HEATR3: variants seen among roughly 807,000 people sequenced by gnomAD.
HEATR3 encodes HEAT repeat containing 3.
A neutral mutation model predicts 72.8 loss-of-function variants in HEATR3; 56 were observed. The observed-to-expected ratio is 0.77, with a 90% confidence interval of 0.62 to 0.96. The LOEUF (loss-of-function observed/expected upper bound fraction) is 0.96. Among genes scored for constraint, HEATR3 ranks in the 40% least tolerant of loss-of-function variants. The probability of loss-of-function intolerance (pLI) is 0.00; values close to 1 mark genes in which losing one functional copy is unlikely to be tolerated. For missense variants in HEATR3, 747 were observed against 831.4 expected (o/e 0.90, Z 1.25); for synonymous variants, 331 against 318.1 (o/e 1.04, Z -0.43).
intron 2 of HEATR3, chr16:50,066,757 T>G: frequency 2.4e-6 from 1 of 418,352 alleles, no homozygotes; most frequent in East Asian, 3.7e-5. Flanking sequence ...AGCGTCCACC[T>G]GCTCAGGCGT....
At chr16:50,104,285 C>T (rs1021029598) in intron 14 of HEATR3, among the ~76,000 whole-genome samples, 6 of 152,064 alleles carry the variant, frequency 3.9e-5, no homozygotes, top group Admixed American at 1.3e-4. Flanking sequence ...TCCGGGAGGT[C>T]GAGGCTGCAG....
chr16:50,075,749 T>C (rs772180015), intron 6 of HEATR3, 38 bp downstream of exon 6: 1 of 1,578,600 alleles, frequency 6.3e-7, no homozygotes, highest in Non-Finnish European at 8.7e-7. Context: ...ATTGTTTCAG[T>C]AGCTTTTGGT....
At chr16:50,078,647 T>C (rs1196890516) in intron 6 of HEATR3, 94 bp from the exon 7 acceptor site, 3 of 1,269,510 alleles carry the variant, frequency 2.4e-6, no homozygotes, top group African/African-American at 1.5e-5. Context: ...TTTTTGAAAT[T>C]ACACTGGCCT....
chr16:50,100,700 G>A (rs149065555), intron 13 of HEATR3: 1 of 300,706 alleles, frequency 3.3e-6, no homozygotes, highest in African/African-American at 2.3e-5. Flanking sequence ...TCCAATGTAT[G>A]CATGTTACAT....
rs1036508040 is a variant in HEATR3 at position 50,066,200 on chromosome 16, G to C, written c.69G>C (p.Glu23Asp). The change falls in exon 1 of 15, where the codon GAG becomes GAC. Residue 23 changes from glutamate to aspartate, a missense_variant. Around this residue, in one of 2 missense-constraint regions of HEATR3, gnomAD observed 161 missense variants for 122.6 expected, o/e 1.31. Transcript: ENST00000299192. The stretch of plus-strand genomic sequence containing the variant: ...CCCCTACGGGCGACTGTCAGGCCGA[G>C]GCGGCTGCGGCGGCGAATGGGACCG... ...QFSPTGDCQA[E>D]AAAAANGTGG... 6.3e-7 allele frequency: 1 copy of C among 1,580,690 alleles called. No homozygotes were observed. Among genetic ancestry groups the C allele is most frequent in the African/African-American group, 1.4e-5 (1 of 73,944 alleles).
chr16:50,100,930 A>G (rs561815365), intron 13 of HEATR3, among the ~76,000 whole-genome samples: 1 of 152,318 alleles, frequency 6.6e-6, no homozygotes, highest in East Asian at 1.9e-4. Flanking sequence ...CAGCGTCACT[A>G]GTAATTAAAA....
rs375532097 is a variant in HEATR3, at chr16:50,092,436, C to CTTTTTTTT, written c.1511-2260_1511-2253dup. Reference sequence around the variant, plus strand: ...GGTCATTCTTTTTTTTTTCTTTTTTCTTTTTTTTTTTTTTTTCCTGAGACG... The same window carrying CTTTTTTTT: ...GGTCATTCTTTTTTTTTTCTTTTTTCTTTTTTTTTTTTTTTTTTTTTTTTCCTGAGACG... On this transcript the variant is annotated intron_variant, in intron 11 of 14. Coordinates refer to ENST00000299192, the MANE Select transcript of HEATR3 (RefSeq NM_182922.4). 3.3e-3 allele frequency among the ~76,000 whole-genome samples: 347 copies of CTTTTTTTT among 106,002 alleles called. 17 individuals are homozygous for CTTTTTTTT. Among genetic ancestry groups the CTTTTTTTT allele is most frequent in the African/African-American group, 9.7e-3 (263 of 27,042 alleles). 69.5% of individuals were successfully genotyped at this position (106,002 alleles called of 152,430 possible).
chr16:50,066,238 A>G lies in HEATR3; in HGVS notation c.107A>G (p.Asp36Gly). 3 of 1,568,466 alleles carry G rather than the reference A, an allele frequency of 1.9e-6. No individual in the cohort carries two copies. The highest frequency in any genetic ancestry group is 8.6e-7 in the Non-Finnish European group (1 of 1,159,158). The change falls in exon 1 of 15, where the codon GAC (aspartate) becomes GGC (glycine). Residue 36 changes from aspartate (D) to glycine (G), a missense_variant. By Grantham distance (94) the Asp-to-Gly change is moderately conservative. Around this residue, in one of 2 missense-constraint regions of HEATR3, gnomAD observed 161 missense variants for 122.6 expected, o/e 1.31. Coordinates refer to ENST00000299192, the MANE Select transcript of HEATR3 (RefSeq NM_182922.4). ...AAANGTGGEE[D>G]DGPAAELLEK... ...GCGAATGGGACCGGAGGCGAGGAGG[A>G]CGACGGGCCGGCGGCGGAGCTGCTG...
chr16:50,070,398 G>A (rs1235629844), intron 4 of HEATR3, 108 bp downstream of exon 4: 9 of 476,158 alleles, frequency 1.9e-5, no homozygotes, highest in South Asian at 6.5e-5. Flanking sequence ...TGTTAATCTG[G>A]GATGTTAAGA....
intron 2 of HEATR3, among the ~76,000 whole-genome samples, chr16:50,067,338 G>A (rs1317807823): frequency 6.7e-6 from 1 of 150,276 alleles, no homozygotes; most frequent in Non-Finnish European, 1.5e-5. Context: ...CTGGGTGATA[G>A]AACAAGACCC....
chr16:50,093,433 C>T (rs778727422), intron 11 of HEATR3, among the ~76,000 whole-genome samples: 3 of 152,180 alleles, frequency 2.0e-5, no homozygotes, highest in Non-Finnish European at 4.4e-5. Context: ...GGCCACTTAT[C>T]CCCTCCCACC....
At chr16:50,084,454 C>CATT in intron 9 of HEATR3, 115 bp from the exon 10 acceptor site, 1 of 1,123,994 alleles carries the variant, frequency 8.9e-7, no homozygotes, top group Non-Finnish European at 1.3e-6. Context: ...GCGAAAAGGT[C>CATT]ATTCTATATG....
At position 50,072,637 on chromosome 16, in the gene HEATR3, A is replaced by G. The variant is rs1000963873; in HGVS notation, c.545A>G (p.Asn182Ser). ...ECSSRAVSIF[N>S]KEGCLEIVLK... ...AGTAGTAGAGCAGTGTCTATATTCA[A>G]CAAAGAAGGGTGTTTGGAGATTGTG... The change falls in exon 5 of 15, where the codon AAC (asparagine) becomes AGC (serine). Residue 182 changes from asparagine to serine, a missense_variant. By Grantham distance (46) the Asn-to-Ser change is conservative (BLOSUM62 1). Transcript: ENST00000299192. The G allele has an allele frequency of 6.2e-7, 1 of 1,610,920 alleles. No homozygotes were observed. The highest frequency in any genetic ancestry group is 1.3e-5 in the African/African-American group (1 of 74,896).
intron 2 of HEATR3, 90 bp from the exon 3 acceptor site, chr16:50,068,690 A>T: frequency 1.0e-6 from 1 of 957,696 alleles, no homozygotes; most frequent in Non-Finnish European, 1.5e-6. Context: ...GGGAAACCTT[A>T]AATATGGCTA....
chr16:50,068,786 C>T lies in HEATR3; in HGVS notation c.318C>T (p.Leu106=). 1 of 1,612,780 alleles carries T rather than the reference C, an allele frequency of 6.2e-7. No individual in the cohort carries two copies. The highest frequency in any genetic ancestry group is 1.1e-5 in the South Asian group (1 of 90,936). ...TTTTAAACTTCTTGTGTAGAAATCT[C>T]AGTGCTTGTGGAGGTTTTGAAGTTT... ...RETAAGALRN[L]SACGGFEVCD... Residue 106 remains leucine, a synonymous_variant, in exon 3 of 15, where the codon CTC becomes CTT. Coordinates refer to ENST00000299192, the MANE Select transcript of HEATR3 (RefSeq NM_182922.4).
chr16:50,068,626 A>G (rs2036548426), intron 2 of HEATR3, among the ~76,000 whole-genome samples, 154 bp from the exon 3 acceptor site: 1 of 152,244 alleles, frequency 6.6e-6, no homozygotes, highest in Non-Finnish European at 1.5e-5. Context: ...GAACAGATGG[A>G]AATCTCTGGA....
intron 11 of HEATR3, among the ~76,000 whole-genome samples, chr16:50,093,155 G>A (rs977391098): frequency 2.6e-5 from 4 of 152,098 alleles, no homozygotes; most frequent in East Asian, 1.9e-4. Flanking sequence ...ACAATCAGCC[G>A]GGATTAGAAT....
At chr16:50,071,320 G>C (rs149852688) in intron 4 of HEATR3, among the ~76,000 whole-genome samples, 22 of 152,322 alleles carry the variant, frequency 1.4e-4, no homozygotes, top group African/African-American at 5.1e-4. Context: ...AAATGCCTAC[G>C]TGGCAATCTG....
chr16:50,066,849 A>G (rs1474722826), intron 2 of HEATR3: 1 of 316,416 alleles, frequency 3.2e-6, no homozygotes, highest in Non-Finnish European at 5.8e-6. Flanking sequence ...TCTTCAGTTC[A>G]TGTGTCAGGA....
Sources: allele counts gnomAD v4.1 joint callset (sites outside exome capture counted in the v4.1 genomes callset), GRCh38; gene constraint gnomAD v4.1.1; regional missense constraint gnomAD v4.1.1; transcripts MANE v1.5; gene names NCBI Gene and HGNC (gene_info 2026-07-23, HGNC 2026-07-21).